Variants in WDR90 observed in about 807,000 individuals in gnomAD.
WDR90 encodes the protein WD repeat-containing protein 90.
In WDR90, 238 loss-of-function variants were observed where a neutral mutation model predicts 195.2. The ratio of observed to expected loss-of-function variants is 1.22; its 90% CI spans 1.10 to 1.36. WDR90 has a LOEUF of 1.36. WDR90 is among the 40% of genes most tolerant of loss of function. The pLI, the probability that WDR90 is intolerant of heterozygous loss-of-function variation, is 0.00. For synonymous variants in WDR90, 1,265 were observed against 1,052.4 expected, an observed-to-expected ratio of 1.20 and a Z score of -3.91; for missense variants, 2,734 against 2,439.5, an observed-to-expected ratio of 1.12 and a Z score of -2.54.
rs779170740 is a variant in WDR90 at position 655,579 on chromosome 16, G to T, written c.1725G>T (p.Val575=). The change falls in exon 16 of 41, where the codon GTG becomes GTT. Residue 575 remains valine, a synonymous_variant. Transcript: ENST00000293879. ...CTGCCGCCTCCTCGGGCAGCTTCGTGTGCAGCCGCAGTGGCCACATCTTGG... is the reference window on the plus strand; with the variant it reads ...CTGCCGCCTCCTCGGGCAGCTTCGTTTGCAGCCGCAGTGGCCACATCTTGG... ...CPEPSAAMLF[V]CSRSGHILEI... 2.0e-5 allele frequency: 32 copies of T among 1,592,764 alleles called. No individual in the cohort carries two copies. The highest frequency in any genetic ancestry group is 2.7e-5 in the Non-Finnish European group (31 of 1,167,508).
At chr16:650,962 T>G in intron 5 of WDR90, 33 bp from the exon 6 acceptor site, 1 of 1,605,174 alleles carries the variant, frequency 6.2e-7, no homozygotes, top group South Asian at 1.1e-5. Flanking sequence ...CTAAACAGCC[T>G]CCCTTGACCT....
Position 660,681 on chromosome 16 carries a change from G to A in WDR90, c.3358G>A (p.Gly1120Arg). 6.3e-7 allele frequency: 1 copy of A among 1,579,878 alleles called. No homozygotes were observed. Among genetic ancestry groups the A allele is most frequent in the Non-Finnish European group, 8.6e-7 (1 of 1,163,828 alleles). ...LKAVVGYSGN[G>R]RANMVWRPDT... ...GGCTGTCGTCGGTTACAGCGGGAAT[G>A]GGCGGGCCAACATGGTCTGGAGGCC... The change falls in exon 28 of 41, where the codon GGG (glycine) becomes AGG (arginine). Residue 1120 changes from glycine (G) to arginine (R), a missense_variant. Coordinates refer to ENST00000293879, the MANE Select transcript of WDR90 (RefSeq NM_145294.5).
intron 29 of WDR90, 68 bp downstream of exon 29, chr16:661,240 C>A: frequency 6.6e-7 from 1 of 1,521,188 alleles, no homozygotes; most frequent in East Asian, 2.4e-5. Flanking sequence ...GCTCCCGGAC[C>A]GGTGCGGGTT....
At chr16:659,791 G>C (rs2037854775) in intron 26 of WDR90, among the ~76,000 whole-genome samples, 1 of 152,176 alleles carries the variant, frequency 6.6e-6, no homozygotes, top group South Asian at 2.1e-4. Context: ...CGTTCCCCCG[G>C]CCAACCCCGT....
Position 653,570 on chromosome 16 carries a change from G to A in WDR90, c.1279G>A (p.Ala427Thr). 6.2e-7 allele frequency: 1 copy of A among 1,613,468 alleles called. No individual in the cohort carries two copies. Among genetic ancestry groups the A allele is most frequent in the Non-Finnish European group, 8.5e-7 (1 of 1,179,998 alleles). Residue 427 changes from alanine to threonine, a missense_variant, in exon 12 of 41, where the codon GCC becomes ACC. By Grantham distance (58) the Ala-to-Thr change is moderately conservative. Transcript: ENST00000293879. ...LDGSSSLLAS[A>T]QARAPSVMRL... is the part of the protein sequence containing the mutation. Reference sequence around the variant, plus strand: ...TGGCAGCAGCTCACTATTGGCCTCGGCCCAGGCAAGGGCCCCTAGTGTGAT... The same window carrying A: ...TGGCAGCAGCTCACTATTGGCCTCGACCCAGGCAAGGGCCCCTAGTGTGAT...
At position 649,539 on chromosome 16, in the gene WDR90, C is replaced by G. The variant is rs946766464; in HGVS notation, c.10+113C>G. ...GCCTAGGCCCTGAGGCCAGAGTCCCCGCTCAGGCAGGGTCCCGTCTGCCGG... is the reference window on the plus strand; with the variant it reads ...GCCTAGGCCCTGAGGCCAGAGTCCCGGCTCAGGCAGGGTCCCGTCTGCCGG... On this transcript the variant is annotated intron_variant, in intron 1 of 40. Transcript: ENST00000293879. 9 of 1,244,926 alleles carry G rather than the reference C, an allele frequency of 7.2e-6. No individual in the cohort carries two copies. The South Asian group carries it at 1.6e-4, about 22-fold the overall frequency. The allele number at this position is 1,244,926 out of a possible 1,614,324, so 77.1% of individuals were successfully genotyped here.
rs917029024 is a variant in WDR90, at chr16:655,530, C to T, written c.1719-43C>T. 3.9e-6 allele frequency: 6 copies of T among 1,548,396 alleles called. No individual in the cohort carries two copies. In the East Asian group the frequency reaches 9.1e-5, roughly 23 times the overall value. On this transcript the variant is annotated intron_variant, in intron 15 of 40. Transcript: ENST00000293879. ...TGGGGGCCCTGGTGCCTGGGCCTCC[C>T]CTTCCCTGAGGGCCTCACCTTCCCT...
intron 2 of WDR90, 41 bp downstream of exon 2, chr16:649,895 C>T (rs778902668): frequency 6.3e-7 from 1 of 1,582,234 alleles, no homozygotes; most frequent in Admixed American, 1.8e-5. Flanking sequence ...CACCCCTGCC[C>T]TGCCCCCAGG....
Position 660,137 on chromosome 16 carries a change from C to A in WDR90, c.3264C>A (p.Val1088=). 10 of 1,537,768 alleles carry A rather than the reference C, an allele frequency of 6.5e-6. No homozygotes were observed. The highest frequency in any genetic ancestry group is 8.8e-6 in the Non-Finnish European group (10 of 1,138,434). ...GCAAGGCCTTCACGCCTGCCAGGGT[C>A]AGCTGCAGCCCCCACTCTGCCAAGG... is the stretch of plus-strand genomic sequence containing the variant. ...ASCKAFTPAR[V]SCSPHSAKGT... The change falls in exon 27 of 41, where the codon GTC becomes GTA. Residue 1088 remains valine, a synonymous_variant. Transcript: ENST00000293879.
Position 667,526 on chromosome 16 carries a change from C to G in WDR90, c.5184C>G (p.Ser1728=), listed in dbSNP as rs373944645. Residue 1728 remains serine (S), a synonymous_variant, in exon 41 of 41, where the codon TCC becomes TCG. Transcript: ENST00000293879. The part of the protein sequence containing the change: ...NAVHLCRFTP[S]ARLLFTAARN... ...TGCACCTGTGCAGGTTTACACCGTC[C>G]GCCAGGCTGCTCTTCACGGCCGCCC... 26 of 1,612,188 alleles carry G rather than the reference C, an allele frequency of 1.6e-5. 1 individual carries two copies. In the South Asian group the frequency reaches 1.6e-4, roughly 10 times the overall value.
rs780294128 is a variant in WDR90 at position 651,735 on chromosome 16, C to A, written c.828C>A (p.Pro276=). 1 of 1,613,108 alleles carries A rather than the reference C, an allele frequency of 6.2e-7. No homozygotes were observed. Among genetic ancestry groups the A allele is most frequent in the African/African-American group, 1.3e-5 (1 of 75,058 alleles). The change falls in exon 8 of 41, where the codon CCC becomes CCA. Residue 276 remains proline (P), a synonymous_variant. Coordinates refer to ENST00000293879, the MANE Select transcript of WDR90 (RefSeq NM_145294.5). The stretch of plus-strand genomic sequence containing the variant: ...GTGTGTCTCCAGTGGTCCAGACGCC[C>A]AGCCCCACAGCCGTGAGTACCCCCT... ...RFSVSPVVQT[P]SPTASGRAAL...
Position 661,107 on chromosome 16 carries a change from GC to G in WDR90, c.3451del (p.Gln1151SerfsTer153). 1.3e-6 allele frequency: 2 copies of G among 1,552,218 alleles called. No individual in the cohort carries two copies. Among genetic ancestry groups the G allele is most frequent in the Non-Finnish European group, 8.6e-7 (1 of 1,159,404 alleles). On this transcript the variant is annotated frameshift_variant, in exon 29 of 41. Transcript: ENST00000293879. LOFTEE classifies it high-confidence loss of function. ...LVVVEDLHSG[A>X]QQHWSGHSAE... ...GGTGGTGGAGGACCTGCACTCTGGC[GC>G]CCAGCAGCACTGGTCCGGCCACTCT...
At chr16:654,623 A>G (rs2037709640) in intron 13 of WDR90, 2 of 168,416 alleles carry the variant, frequency 1.2e-5, no homozygotes, top group Admixed American at 1.2e-4. Context: ...TTGTTTTTTT[A>G]ACTTTTTGTA....
At chr16:665,558 G>C in intron 34 of WDR90, 121 bp from the exon 35 acceptor site, 1 of 1,516,556 alleles carries the variant, frequency 6.6e-7, no homozygotes, top group Non-Finnish European at 9.1e-7. Context: ...GAGTTGGCCG[G>C]GGCCAGAGGC....
chr16:655,247 G>T (rs770814665), intron 14 of WDR90, 60 bp from the exon 15 acceptor site: 1 of 1,611,636 alleles, frequency 6.2e-7, no homozygotes, highest in African/African-American at 1.3e-5. Context: ...GCGTCTCTGC[G>T]TCTCCCGGTG....
In WDR90 at chr16:655,705, T is replaced by G. The variant is rs758764444; in HGVS notation, c.1849+2T>G. On this transcript the variant is annotated splice_donor_variant, in intron 16 of 40. Coordinates refer to ENST00000293879, the MANE Select transcript of WDR90 (RefSeq NM_145294.5). LOFTEE classifies it high-confidence loss of function. ...CACAGAAGCAGACCTTCAGCTCAGG[T>G]AAGAGGGCGCCCACCACGTGGCCAG... The G allele has an allele frequency of 2.5e-6, 4 of 1,589,580 alleles. No homozygotes were observed. Among genetic ancestry groups the G allele is most frequent in the Non-Finnish European group, 3.4e-6 (4 of 1,167,564 alleles).
In WDR90 at chr16:666,808, C is replaced by T. The variant is rs200636597; in HGVS notation, c.5004+16C>T. 1.7e-5 allele frequency: 27 copies of T among 1,612,412 alleles called. No individual in the cohort carries two copies. The highest frequency in any genetic ancestry group is 2.2e-5 in the South Asian group (2 of 91,060). On this transcript the variant is annotated intron_variant, in intron 39 of 40. Transcript: ENST00000293879. ...CCAGAAGCAGGTACACGCAGCTGCC[C>T]GCGTGTCACTGGGAGCCCCAGGGAT... is the stretch of plus-strand genomic sequence containing the variant.
rs752040797 is a variant in WDR90, at chr16:655,768, C to G, written c.1850-5C>G. The G allele has an allele frequency of 5.0e-6, 8 of 1,584,912 alleles. No homozygotes were observed. In the Admixed American group the frequency reaches 1.4e-4, roughly 28 times the overall value. ...ACCGAGGCACTGACGCCTCCCTGCCCCCAGGCCCCGGCATTGCCATCAGCA... is the reference window on the plus strand; with the variant it reads ...ACCGAGGCACTGACGCCTCCCTGCCGCCAGGCCCCGGCATTGCCATCAGCA... On this transcript the variant is annotated splice_polypyrimidine_tract_variant and splice_region_variant and intron_variant, in intron 16 of 40. Transcript: ENST00000293879.
chr16:661,380 C>G lies in WDR90; in HGVS notation c.3552C>G (p.Ala1184=). The G allele has an allele frequency of 6.2e-7, 1 of 1,611,036 alleles. No homozygotes were observed. The highest frequency in any genetic ancestry group is 8.5e-7 in the Non-Finnish European group (1 of 1,179,782). ...ASASGRSSTT[A]HCQIRVWDVS... ...CCTCGGGCCGAAGCAGCACGACCGCCCATTGTCAGATCCGCGTCTGGGACG... is the reference window on the plus strand; with the variant it reads ...CCTCGGGCCGAAGCAGCACGACCGCGCATTGTCAGATCCGCGTCTGGGACG... The change falls in exon 30 of 41, where the codon GCC becomes GCG. Residue 1184 remains alanine (A), a synonymous_variant. Coordinates refer to ENST00000293879, the MANE Select transcript of WDR90 (RefSeq NM_145294.5).
Sources: gnomAD v4.1 joint callset for allele counts (sites outside exome capture counted in the v4.1 genomes callset) on GRCh38, gnomAD v4.1.1 for gene constraint, MANE v1.5 for transcripts, NCBI Gene and HGNC (gene_info 2026-07-23, HGNC 2026-07-21) for gene names.